Variants in TLE4 observed in about 807,000 individuals in gnomAD.
TLE4 encodes transducin-like enhancer protein 4.
A neutral mutation model predicts 92.8 loss-of-function variants in TLE4; 8 were observed. The ratio of observed to expected loss-of-function variants is 0.09; its 90% CI spans 0.05 to 0.16. The LOEUF (loss-of-function observed/expected upper bound fraction) is 0.16, where lower values mean the gene tolerates loss of function less well. Ranked by LOEUF, TLE4 falls within the 10% of genes least tolerant of loss-of-function variation. TLE4 has a pLI of 1.00. For synonymous variants in TLE4, 371 were observed against 374.1 expected (o/e 0.99, Z 0.10); for missense variants, 675 against 997.6 (o/e 0.68, Z 4.36).
intron 4 of TLE4, among the ~76,000 whole-genome samples, chr9:79,610,192 A>G (rs1588038090): frequency 6.6e-6 from 1 of 152,104 alleles, no homozygotes. Context: ...AAGGGCTGTA[A>G]TGCATCATTT....
Position 79,630,532 on chromosome 9 carries a change from C to T in TLE4, c.390+3084C>T, listed in dbSNP as rs1262575962. Among the ~76,000 whole-genome samples the T allele has an allele frequency of 5.9e-5, 9 of 152,110 alleles. No individual in the cohort carries two copies. The East Asian group carries it at 1.7e-3, about 29-fold the overall frequency. On this transcript the variant is annotated intron_variant, in intron 6 of 19. Transcript: ENST00000376552. ...ATTACACATTTCCTTCAGGCCTTCC[C>T]CAAGTTCCCTCAGTTGGGCTAGGGG... is the stretch of plus-strand genomic sequence containing the variant.
chr9:79,710,636 CCTT>C (rs527329566), intron 14 of TLE4, among the ~76,000 whole-genome samples: 26 of 152,270 alleles, frequency 1.7e-4, no homozygotes, highest in African/African-American at 5.1e-4. Context: ...TCCTTACTGT[CCTT>C]CTTCCTGCAA....
chr9:79,703,315 T>G (rs1398208504), intron 8 of TLE4, among the ~76,000 whole-genome samples: 6 of 152,202 alleles, frequency 3.9e-5, no homozygotes, highest in African/African-American at 1.4e-4. Flanking sequence ...GCCAAGGGAC[T>G]GTGTTACTCA....
intron 8 of TLE4, among the ~76,000 whole-genome samples, chr9:79,704,449 A>G (rs897261250): frequency 2.0e-5 from 3 of 152,130 alleles, no homozygotes; most frequent in Non-Finnish European, 4.4e-5. Flanking sequence ...CAACAGTACA[A>G]TATATCCGTA....
At chr9:79,670,171 T>A (rs1588054383) in intron 8 of TLE4, among the ~76,000 whole-genome samples, 7 of 135,350 alleles carry the variant, frequency 5.2e-5, no homozygotes, top group Admixed American at 7.4e-5. Context: ...AGCTAAAGAG[T>A]AAAATGAGTA....
chr9:79,707,815 A>C (rs1157837341), intron 11 of TLE4, among the ~76,000 whole-genome samples: 1 of 152,224 alleles, frequency 6.6e-6, no homozygotes, highest in African/African-American at 2.4e-5. Flanking sequence ...CAAAGTCACC[A>C]GCAAGTGGCC....
chr9:79,687,997 T>C (rs573251837), intron 8 of TLE4, among the ~76,000 whole-genome samples: 1 of 152,286 alleles, frequency 6.6e-6, no homozygotes, highest in African/African-American at 2.4e-5. Flanking sequence ...CACACTTTTT[T>C]GAGTAGCAAG....
intron 16 of TLE4, among the ~76,000 whole-genome samples, chr9:79,721,087 C>T (rs2075556497): frequency 6.6e-6 from 1 of 152,214 alleles, no homozygotes; most frequent in Non-Finnish European, 1.5e-5. Flanking sequence ...TTTCAAAGTA[C>T]TGAAACCTAT....
Position 79,572,773 on chromosome 9 carries a change from C to A in TLE4, c.-18C>A. On this transcript the variant is annotated 5_prime_UTR_variant, in exon 1 of 20. Transcript: ENST00000376552. ...AGCCGCGCGCCTCTGCCGAGCGCAG[C>A]CAACTAAATCGGCTTGGATGATTCG... 3.1e-6 allele frequency: 5 copies of A among 1,598,302 alleles called. No homozygotes were observed. The highest frequency in any genetic ancestry group is 4.3e-6 in the Non-Finnish European group (5 of 1,173,212).
rs2062215550 is a variant in TLE4 at position 79,670,918 on chromosome 9, A to G, written c.609+16843A>G. Reference sequence around the variant, plus strand: ...AGTGTACAGTATGAGTAATTTGAAAATGACCTGGTTGTGTTTATTCTTTGG... The same window carrying G: ...AGTGTACAGTATGAGTAATTTGAAAGTGACCTGGTTGTGTTTATTCTTTGG... On this transcript the variant is annotated intron_variant, in intron 8 of 19. Coordinates refer to ENST00000376552, the MANE Select transcript of TLE4 (RefSeq NM_007005.6). Among the ~76,000 whole-genome samples, 4 of 152,016 alleles carry G rather than the reference A, an allele frequency of 2.6e-5. No individual in the cohort carries two copies. In the South Asian group the frequency reaches 6.2e-4, roughly 24 times the overall value.
intron 6 of TLE4, among the ~76,000 whole-genome samples, chr9:79,647,095 G>A (rs1401548743): frequency 6.6e-6 from 1 of 152,116 alleles, no homozygotes; most frequent in Admixed American, 6.6e-5. Flanking sequence ...TGGATTCTGG[G>A]ACAGAAAAAT....
intron 8 of TLE4, among the ~76,000 whole-genome samples, chr9:79,674,714 T>G (rs756800844): frequency 6.6e-6 from 1 of 152,166 alleles, no homozygotes; most frequent in Non-Finnish European, 1.5e-5. Context: ...TTTTAATACT[T>G]CACAATTTTT....
At position 79,680,153 on chromosome 9, in the gene TLE4, G is replaced by C. The variant is rs530964865; in HGVS notation, c.610-24630G>C. 1.2e-4 allele frequency among the ~76,000 whole-genome samples: 18 copies of C among 152,156 alleles called. No homozygotes were observed. In the East Asian group the frequency reaches 3.5e-3, roughly 29 times the overall value. ...AAGTAGTTTTTTCCAATTCTTTGAA[G>C]AAAGTCATTGGTAGCTTGATGGGGA... is the stretch of plus-strand genomic sequence containing the variant. On this transcript the variant is annotated intron_variant, in intron 8 of 19. Transcript: ENST00000376552.
chr9:79,659,032 C>T (rs925717460), intron 8 of TLE4, among the ~76,000 whole-genome samples: 1 of 152,176 alleles, frequency 6.6e-6, no homozygotes, highest in Admixed American at 6.5e-5. Flanking sequence ...TACTGATCTC[C>T]TCTGAGCAGC....
chr9:79,723,888 C>T lies in TLE4; in HGVS notation c.2214+853C>T, dbSNP rs1033651665. 4.6e-5 allele frequency among the ~76,000 whole-genome samples: 7 copies of T among 152,106 alleles called. No homozygotes were observed. In the South Asian group the frequency reaches 8.3e-4, roughly 18 times the overall value. ...ATCACTTGTTAGATAGTCCCAACTGCACTTTAAAAAAAGAGTAGTACATTT... is the reference window on the plus strand; with the variant it reads ...ATCACTTGTTAGATAGTCCCAACTGTACTTTAAAAAAAGAGTAGTACATTT... On this transcript the variant is annotated intron_variant, in intron 19 of 19. Coordinates refer to ENST00000376552, the MANE Select transcript of TLE4 (RefSeq NM_007005.6).
chr9:79,579,016 C>A (rs2038856775), intron 4 of TLE4, among the ~76,000 whole-genome samples: 1 of 151,082 alleles, frequency 6.6e-6, no homozygotes, highest in Non-Finnish European at 1.5e-5. Context: ...CAAGTTCTAG[C>A]ATAAAAGTGA....
At position 79,660,474 on chromosome 9, in the gene TLE4, A is replaced by G. The variant is rs375330050; in HGVS notation, c.609+6399A>G. Among the ~76,000 whole-genome samples, 6 of 152,244 alleles carry G rather than the reference A, an allele frequency of 3.9e-5. No homozygotes were observed. In the South Asian group the frequency reaches 6.2e-4, roughly 16 times the overall value. On this transcript the variant is annotated intron_variant, in intron 8 of 19. Coordinates refer to ENST00000376552, the MANE Select transcript of TLE4 (RefSeq NM_007005.6). ...GTATGCCTTTCAAGCATTTAACGTT[A>G]TAACTCTTTCAATTTCCCAAAATAA...
chr9:79,686,696 C>G lies in TLE4; in HGVS notation c.610-18087C>G, dbSNP rs150384176. Among the ~76,000 whole-genome samples the G allele has an allele frequency of 2.9e-3, 447 of 152,306 alleles. 4 individuals are homozygous for G. The highest frequency in any genetic ancestry group is 2.1e-3 in the Non-Finnish European group (141 of 68,034). On this transcript the variant is annotated intron_variant, in intron 8 of 19. Transcript: ENST00000376552. ...GGAAGAGGCAAAGAAGCATTCTTCC[C>G]TGGAGCCTTTGGAGGGAGCATGGTC...
Position 79,706,867 on chromosome 9 carries a change from A to G in TLE4, c.904A>G (p.Thr302Ala), listed in dbSNP as rs1401876960. 4 of 1,613,896 alleles carry G rather than the reference A, an allele frequency of 2.5e-6. No homozygotes were observed. Among genetic ancestry groups the G allele is most frequent in the Admixed American group, 3.3e-5 (2 of 60,002 alleles). Residue 302 changes from threonine (T) to alanine (A), a missense_variant, in exon 11 of 20, where the codon ACT (threonine) becomes GCT (alanine). By Grantham distance (58) the Thr-to-Ala change is moderately conservative. Around this residue, in one of 5 missense-constraint regions of TLE4, gnomAD observed 280 missense variants for 287.3 expected, o/e 0.97. Transcript: ENST00000376552. ...AGCCTCTATTGCATCTTCCAGCAGT[A>G]CTCCCTCCTCCAAATCCAAAGAACT... ...SPASIASSSS[T>A]PSSKSKELSL...
Sources: allele counts gnomAD v4.1 joint callset (sites outside exome capture counted in the v4.1 genomes callset), GRCh38; gene constraint gnomAD v4.1.1; regional missense constraint gnomAD v4.1.1; transcripts MANE v1.5; gene names NCBI Gene and HGNC (gene_info 2026-07-23, HGNC 2026-07-21).